The following ABHD18 variants were observed in gnomAD, a reference collection of about 807,000 sequenced individuals.
ABHD18 encodes the protein cardiolipin-specific deacylase, mitochondrial.
In ABHD18, 55 loss-of-function variants were observed where a neutral mutation model predicts 65.9. The ratio of observed to expected loss-of-function variants is 0.84; its 90% confidence interval spans 0.67 to 1.05. The LOEUF (loss-of-function observed/expected upper bound fraction) is 1.05. Among genes scored for constraint, ABHD18 ranks in the 50% least tolerant of loss-of-function variants. The pLI is 0.00. For missense variants in ABHD18, 533 were observed against 558.5 expected (o/e 0.95, Z 0.46); for synonymous variants, 181 against 180.2 (o/e 1.00, Z -0.04).
At chr4:127,973,135 TC>T (rs1560815777) in intron 1 of ABHD18, among the ~76,000 whole-genome samples, 1 of 151,974 alleles carries the variant, frequency 6.6e-6, no homozygotes. Flanking sequence ...CGCCTCAGCC[TC>T]CCGAGTAGGT....
intron 1 of ABHD18, among the ~76,000 whole-genome samples, chr4:127,969,321 C>T (rs1458746617): frequency 6.6e-6 from 1 of 151,644 alleles, no homozygotes; most frequent in Non-Finnish European, 1.5e-5. Context: ...CCTGCCTCAA[C>T]CTCCCAAGTA....
In ABHD18 at chr4:128,028,497, A is replaced by G. The variant is rs1324661433; in HGVS notation, c.824A>G (p.Gln275Arg). 6.3e-7 allele frequency: 1 copy of G among 1,575,816 alleles called. No homozygotes were observed. The highest frequency in any genetic ancestry group is 2.3e-5 in the East Asian group (1 of 44,292). The change falls in exon 11 of 13, where the codon CAA becomes CGA. Residue 275 changes from glutamine to arginine, a missense_variant. Around this residue, in one of 3 missense-constraint regions of ABHD18, gnomAD observed 220 missense variants for 226.8 expected, o/e 0.97. Coordinates refer to ENST00000645843, the MANE Select transcript of ABHD18 (RefSeq NM_001358451.3). ...YCGTDSFKMG[Q>R]EFVKHFTSSA... ...CAGACAGATTCTTTCAAAATGGGAC[A>G]AGAGTTTGTGAAACACTTCACTAGC... is the stretch of plus-strand genomic sequence containing the variant.
intron 10 of ABHD18, among the ~76,000 whole-genome samples, chr4:128,023,997 T>A (rs868762410): frequency 2.6e-5 from 4 of 152,250 alleles, no homozygotes; most frequent in Admixed American, 2.6e-4. Flanking sequence ...AGGAAGTTTA[T>A]AAATTTTGGT....
intron 1 of ABHD18, among the ~76,000 whole-genome samples, chr4:127,972,908 T>C (rs1003224826): frequency 3.3e-5 from 5 of 152,152 alleles, no homozygotes; most frequent in East Asian, 1.9e-4. Context: ...TGTTTTTACT[T>C]TGTTTTGGTT....
intron 5 of ABHD18, 51 bp downstream of exon 5, chr4:128,009,049 C>A (rs373062649): frequency 1.3e-6 from 2 of 1,580,324 alleles, no homozygotes; most frequent in African/African-American, 1.4e-5. Flanking sequence ...TTAACATATT[C>A]TCCTTAACAG....
intron 7 of ABHD18, among the ~76,000 whole-genome samples, chr4:128,014,275 G>A (rs554293050): frequency 6.6e-6 from 1 of 152,152 alleles, no homozygotes; most frequent in African/African-American, 2.4e-5. Flanking sequence ...CATCCACCGC[G>A]CCCAGCTGAA....
chr4:127,995,557 C>A (rs1751601751), intron 4 of ABHD18, among the ~76,000 whole-genome samples: 4 of 151,902 alleles, frequency 2.6e-5, no homozygotes, highest in Admixed American at 2.6e-4. Context: ...AATTTTACAA[C>A]ATTTTAAATA....
At chr4:128,027,073 G>C (rs75205493) in intron 10 of ABHD18, among the ~76,000 whole-genome samples, 31 of 152,080 alleles carry the variant, frequency 2.0e-4, no homozygotes, top group African/African-American at 7.5e-4. Flanking sequence ...ATGAGCCACC[G>C]TGCCTTGCCT....
intron 12 of ABHD18, chr4:128,031,174 G>A: frequency 2.0e-6 from 2 of 984,296 alleles, no homozygotes; most frequent in Non-Finnish European, 2.4e-6. Flanking sequence ...TTTTATGCTG[G>A]CTGGGCGCGG....
intron 12 of ABHD18, among the ~76,000 whole-genome samples, chr4:128,034,190 C>A (rs1443960097): frequency 2.0e-5 from 3 of 151,972 alleles, no homozygotes; most frequent in African/African-American, 7.3e-5. Context: ...AACTCCTGAC[C>A]TTGTGATCCG....
chr4:127,980,169 C>T (rs974592208), intron 1 of ABHD18, among the ~76,000 whole-genome samples: 1 of 152,130 alleles, frequency 6.6e-6, no homozygotes, highest in Admixed American at 6.6e-5. Context: ...AGGGCTTTAT[C>T]CTCATGGATG....
At chr4:128,007,179 C>T (rs530793747) in intron 4 of ABHD18, among the ~76,000 whole-genome samples, 4 of 151,862 alleles carry the variant, frequency 2.6e-5, no homozygotes, top group Admixed American at 6.6e-5. Flanking sequence ...ATTAGCCAGG[C>T]GTGATAGCAC....
chr4:128,005,772 G>T (rs2149124160), intron 4 of ABHD18, among the ~76,000 whole-genome samples: 1 of 152,324 alleles, frequency 6.6e-6, no homozygotes, highest in East Asian at 1.9e-4. Context: ...TACCTCATGA[G>T]ATTTTAGAAG....
chr4:128,024,661 G>A (rs1303709152), intron 10 of ABHD18, among the ~76,000 whole-genome samples: 8 of 151,892 alleles, frequency 5.3e-5, no homozygotes, highest in East Asian at 3.9e-4. Context: ...CAGGTTGTTC[G>A]GTATTTTTGT....
chr4:128,001,656 G>A, intron 4 of ABHD18: 2 of 1,500,664 alleles, frequency 1.3e-6, no homozygotes, highest in African/African-American at 2.8e-5. Context: ...GCAATTCTTG[G>A]TTCAAAATAA....
chr4:128,022,671 G>A (rs903837534), intron 10 of ABHD18, among the ~76,000 whole-genome samples: 2 of 151,958 alleles, frequency 1.3e-5, no homozygotes, highest in African/African-American at 4.8e-5. Context: ...TATAAGAAAG[G>A]CAGTTATGGT....
At chr4:128,009,338 A>G in intron 6 of ABHD18, 147 bp downstream of exon 6, 1 of 457,328 alleles carries the variant, frequency 2.2e-6, no homozygotes. Context: ...AAGAATCAAA[A>G]GGAGTGAAAG....
At chr4:128,018,898 C>T (rs6534657) in intron 8 of ABHD18, among the ~76,000 whole-genome samples, 73,668 of 150,998 alleles carry the variant, frequency 0.49, 19,245 homozygotes, top group Middle Eastern at 0.76. Context: ...CCTGTAATCC[C>T]AGCTACTCAG....
At chr4:127,974,713 C>A (rs765800583) in intron 1 of ABHD18, among the ~76,000 whole-genome samples, 1 of 151,660 alleles carries the variant, frequency 6.6e-6, no homozygotes, top group Admixed American at 6.6e-5. Context: ...TCTGGCTGGG[C>A]GCAGTGGCTC....
Sources: gnomAD v4.1 joint callset for allele counts (sites outside exome capture counted in the v4.1 genomes callset) on GRCh38, gnomAD v4.1.1 for gene constraint, gnomAD v4.1.1 regional missense constraint, MANE v1.5 for transcripts, NCBI Gene and HGNC (gene_info 2026-07-23, HGNC 2026-07-21) for gene names.